Variants in CCR9 observed in about 807,000 individuals in gnomAD.
The protein encoded by CCR9 is C-C chemokine receptor type 9.
CCR9 carries 4 observed loss-of-function variants against 8.7 expected under a neutral mutation model. The ratio of observed to expected loss-of-function variants is 0.46; its 90% CI spans 0.23 to 1.06. The LOEUF (loss-of-function observed/expected upper bound fraction) is 1.06. Ranked by LOEUF, CCR9 falls within the 50% of genes least tolerant of loss-of-function variation. The probability of loss-of-function intolerance (pLI) is 0.21; values close to 1 mark genes in which losing one functional copy is unlikely to be tolerated. For missense variants in CCR9, 394 were observed against 453.6 expected (o/e 0.87, Z 1.19); for synonymous variants, 159 against 168.8 (o/e 0.94, Z 0.45).
chr3:45,895,903 T>C (rs1349546501), intron 2 of CCR9, among the ~76,000 whole-genome samples: 1 of 152,210 alleles, frequency 6.6e-6, no homozygotes, highest in Non-Finnish European at 1.5e-5. Flanking sequence ...GTTTTACATG[T>C]AGATAATTGA....
chr3:45,892,000 G>T lies in CCR9; in HGVS notation c.-28-2906G>T, dbSNP rs1273386373. On this transcript the variant is annotated intron_variant, in intron 1 of 2. Transcript: ENST00000357632. ...GGTATGGGGTTTGAAGACCAACTTA[G>T]CTGGTCTTCAAATCCAACACCATCA... Among the ~76,000 whole-genome samples, 8 of 152,212 alleles carry T rather than the reference G, an allele frequency of 5.3e-5. No homozygotes were observed. The East Asian group carries it at 7.7e-4, about 15-fold the overall frequency.
At position 45,900,611 on chromosome 3, in the gene CCR9, TAC is replaced by T. The variant is rs759768507; in HGVS notation, c.22-197_22-196del. ...TTGGCACATAGCACAGTAGCCAACA[TAC>T]AGTATGTGCTTAATAAACATCTGTT... is the stretch of plus-strand genomic sequence containing the variant. On this transcript the variant is annotated intron_variant, in intron 2 of 2. Transcript: ENST00000357632. This position sits in a 1 kb window ranked among gnomAD's most constrained non-coding sequence, Gnocchi z 4.7. Among the ~76,000 whole-genome samples, 1 of 152,184 alleles carries T rather than the reference TAC, an allele frequency of 6.6e-6. No homozygotes were observed. The highest frequency in any genetic ancestry group is 2.4e-5 in the African/African-American group (1 of 41,446).
chr3:45,900,699 C>T lies in CCR9; in HGVS notation c.22-111C>T. The stretch of plus-strand genomic sequence containing the variant: ...CTCAGAATGCCTATGTGTCTTTGGC[C>T]TTATCATAGGTGTTTGGGGTTGGAA... On this transcript the variant is annotated intron_variant, in intron 2 of 2. Transcript: ENST00000357632. The surrounding 1 kb of genome is among the most constrained non-coding windows in gnomAD (Gnocchi z 4.7). 1 of 1,076,438 alleles carries T rather than the reference C, an allele frequency of 9.3e-7. No homozygotes were observed. The highest frequency in any genetic ancestry group is 1.3e-6 in the Non-Finnish European group (1 of 744,978). 66.7% of individuals were successfully genotyped at this position (1,076,438 alleles called of 1,614,324 possible).
Position 45,901,542 on chromosome 3 carries a change from G to C in CCR9, c.754G>C (p.Ala252Pro), listed in dbSNP as rs1702558425. ...IQAKKSSKHK[A>P]LKVTITVLTV... The stretch of plus-strand genomic sequence containing the variant: ...AGCCAAGAAGTCTTCCAAGCACAAA[G>C]CCCTAAAAGTGACCATCACTGTCCT... The change falls in exon 3 of 3, where the codon GCC becomes CCC. Residue 252 changes from alanine to proline, a missense_variant. Physicochemically the swap from Ala to Pro is conservative, Grantham distance 27. Coordinates refer to ENST00000357632, the MANE Select transcript of CCR9 (RefSeq NM_031200.3). This position sits in a 1 kb window ranked among gnomAD's most constrained non-coding sequence, Gnocchi z 4.3. 1 of 1,614,024 alleles carries C rather than the reference G, an allele frequency of 6.2e-7. No individual in the cohort carries two copies. Among genetic ancestry groups the C allele is most frequent in the African/African-American group, 1.3e-5 (1 of 74,882 alleles).
rs1702610129 is a variant in CCR9, at chr3:45,903,145, T to A, written c.*1247T>A. 1 of 167,112 alleles carries A rather than the reference T, an allele frequency of 6.0e-6. No individual in the cohort carries two copies. The allele number at this position is 167,112 out of a possible 1,614,324, so 10.4% of individuals were successfully genotyped here. ...CTTTACCCTGTCTCAATATTTTAAG[T>A]GTGTGCAATTAAAGATCAAATAGAT... On this transcript the variant is annotated 3_prime_UTR_variant, in exon 3 of 3. Transcript: ENST00000357632.
chr3:45,895,100 G>GACAACAACCTACCCAGCAAT, intron 2 of CCR9, 146 bp downstream of exon 2: 1 of 856,588 alleles, frequency 1.2e-6, no homozygotes. Context: ...CGCATTGCTG[G>GACAACAACCTACCCAGCAAT]GTAGGTTGTT....
intron 1 of CCR9, among the ~76,000 whole-genome samples, chr3:45,893,672 T>A (rs1403659003): frequency 6.6e-6 from 1 of 152,262 alleles, no homozygotes. Flanking sequence ...ATTTCACAGT[T>A]AACTTATCCA....
intron 2 of CCR9, among the ~76,000 whole-genome samples, chr3:45,898,048 A>G (rs1163891211): frequency 6.6e-6 from 1 of 151,904 alleles, no homozygotes; most frequent in Non-Finnish European, 1.5e-5. Flanking sequence ...CTTCAAAAGC[A>G]AGTTTAGCAC....
Position 45,901,444 on chromosome 3 carries a change from T to C in CCR9, c.656T>C (p.Val219Ala), listed in dbSNP as rs1702554420. The change falls in exon 3 of 3, where the codon GTC becomes GCC. Residue 219 changes from valine (V) to alanine (A), a missense_variant. By Grantham distance (64) the Val-to-Ala change is moderately conservative. Coordinates refer to ENST00000357632, the MANE Select transcript of CCR9 (RefSeq NM_031200.3). The surrounding 1 kb of genome is among the most constrained non-coding windows in gnomAD (Gnocchi z 4.3). ...KLKSAVLTLK[V>A]ILGFFLPFVV... ...AAGTCAGCTGTCTTGACCCTGAAGG[T>C]CATTCTGGGGTTCTTCCTTCCCTTC... 6.2e-7 allele frequency: 1 copy of C among 1,614,022 alleles called. No homozygotes were observed. Among genetic ancestry groups the C allele is most frequent in the Non-Finnish European group, 8.5e-7 (1 of 1,180,014 alleles).
chr3:45,894,877 C>T, intron 1 of CCR9, 29 bp from the exon 2 acceptor site: 1 of 1,560,362 alleles, frequency 6.4e-7, no homozygotes, highest in Middle Eastern at 1.7e-4. Context: ...ACAAGCCAGT[C>T]CACTTTTTGA....
At chr3:45,890,278 A>ATATT in intron 1 of CCR9, among the ~76,000 whole-genome samples, 1 of 60,872 alleles carries the variant, frequency 1.6e-5, no homozygotes, top group Non-Finnish European at 3.0e-5. Flanking sequence ...TAACATATAT[A>ATATT]TATATTTATA....
chr3:45,888,173 T>A (rs752384732), intron 1 of CCR9, among the ~76,000 whole-genome samples: 4 of 152,208 alleles, frequency 2.6e-5, no homozygotes, highest in Non-Finnish European at 4.4e-5. Context: ...GCTCTCTCCC[T>A]TCCTTTATCT....
chr3:45,890,698 G>A (rs965065920), intron 1 of CCR9, among the ~76,000 whole-genome samples: 2 of 152,082 alleles, frequency 1.3e-5, no homozygotes, highest in Non-Finnish European at 2.9e-5. Context: ...GGCTTAGGAG[G>A]AAAGGGGCAG....
At chr3:45,891,007 T>C (rs1464273457) in intron 1 of CCR9, among the ~76,000 whole-genome samples, 6 of 152,228 alleles carry the variant, frequency 3.9e-5, no homozygotes, top group Non-Finnish European at 8.8e-5. Flanking sequence ...AAAGTGGTTA[T>C]TTTAGGGTAG....
rs547390449 is a variant in CCR9 at position 45,902,417 on chromosome 3, T to A, written c.*519T>A. On this transcript the variant is annotated 3_prime_UTR_variant, in exon 3 of 3. Transcript: ENST00000357632. ...CTTATAGATTCCTGATCTAGAACCTTTCCAGGCAATCTCAGACCTAATTTC... is the reference window on the plus strand; with the variant it reads ...CTTATAGATTCCTGATCTAGAACCTATCCAGGCAATCTCAGACCTAATTTC... 3.6e-5 allele frequency: 6 copies of A among 168,342 alleles called. No individual in the cohort carries two copies. Among genetic ancestry groups the A allele is most frequent in the African/African-American group, 1.2e-4 (5 of 41,596 alleles). 10.4% of individuals were successfully genotyped at this position (168,342 alleles called of 1,614,324 possible). A position where few individuals can be genotyped will look rare whatever the true frequency, so the allele number is the denominator to read the frequency against.
At chr3:45,887,583 G>A (rs1407451894) in intron 1 of CCR9, among the ~76,000 whole-genome samples, 1 of 152,230 alleles carries the variant, frequency 6.6e-6, no homozygotes, top group Non-Finnish European at 1.5e-5. Flanking sequence ...TGCTGAACCG[G>A]AAGGGCTGTG....
In CCR9 at chr3:45,901,453, G is replaced by C; in HGVS notation, c.665G>C (p.Gly222Ala). 6.2e-7 allele frequency: 1 copy of C among 1,614,048 alleles called. No homozygotes were observed. Among genetic ancestry groups the C allele is most frequent in the African/African-American group, 1.3e-5 (1 of 74,988 alleles). ...SAVLTLKVIL[G>A]FFLPFVVMAC... ...GTCTTGACCCTGAAGGTCATTCTGG[G>C]GTTCTTCCTTCCCTTCGTGGTCATG... The change falls in exon 3 of 3, where the codon GGG becomes GCG. Residue 222 changes from glycine (G) to alanine (A), a missense_variant. Physicochemically the swap from Gly to Ala is moderately conservative, Grantham distance 60 (BLOSUM62 0). Coordinates refer to ENST00000357632, the MANE Select transcript of CCR9 (RefSeq NM_031200.3). This position sits in a 1 kb window ranked among gnomAD's most constrained non-coding sequence, Gnocchi z 4.3.
At chr3:45,893,501 CT>C (rs1191342492) in intron 1 of CCR9, among the ~76,000 whole-genome samples, 1 of 152,196 alleles carries the variant, frequency 6.6e-6, no homozygotes, top group Non-Finnish European at 1.5e-5. Context: ...AGTGATTCTG[CT>C]TTCCGTCAGT....
At position 45,901,093 on chromosome 3, in the gene CCR9, C is replaced by T; in HGVS notation, c.305C>T (p.Pro102Leu). 6.2e-7 allele frequency: 1 copy of T among 1,614,182 alleles called. No individual in the cohort carries two copies. Among genetic ancestry groups the T allele is most frequent in the Non-Finnish European group, 8.5e-7 (1 of 1,180,040 alleles). Residue 102 changes from proline to leucine, a missense_variant, in exon 3 of 3, where the codon CCC becomes CTC. Transcript: ENST00000357632. The surrounding 1 kb of genome is among the most constrained non-coding windows in gnomAD (Gnocchi z 4.3). Reference sequence around the variant, plus strand: ...GACCTCCTCTTTCTTGTCACTCTTCCCTTCTGGGCCATTGCTGCTGCTGAC... The same window carrying T: ...GACCTCCTCTTTCTTGTCACTCTTCTCTTCTGGGCCATTGCTGCTGCTGAC... ...IADLLFLVTL[P>L]FWAIAAADQW... is the part of the protein sequence containing the mutation.
Sources: gnomAD v4.1 joint callset for allele counts (sites outside exome capture counted in the v4.1 genomes callset) on GRCh38, gnomAD v4.1.1 for gene constraint, Gnocchi (gnomAD v3.1) non-coding constraint, MANE v1.5 for transcripts, NCBI Gene and HGNC (gene_info 2026-07-23, HGNC 2026-07-21) for gene names.